Variants in FAM81B observed in about 807,000 individuals in gnomAD.
The protein encoded by FAM81B is protein FAM81B.
A neutral mutation model predicts 58.7 loss-of-function variants in FAM81B; 60 were observed. The observed-to-expected ratio is 1.02, with a 90% confidence interval of 0.83 to 1.27. FAM81B has a LOEUF of 1.27. Ranked by LOEUF, FAM81B falls within the 50% of genes most tolerant of loss-of-function variation. The pLI is 0.00. For missense variants in FAM81B, 491 were observed against 522.0 expected (o/e 0.94, Z 0.58); for synonymous variants, 189 against 179.6 (o/e 1.05, Z -0.42).
chr5:95,396,296 G>A (rs1761965476), intron 3 of FAM81B, 121 bp downstream of exon 3: 1 of 698,666 alleles, frequency 1.4e-6, no homozygotes, highest in African/African-American at 1.8e-5. Flanking sequence ...GTACCTGAAT[G>A]AAACCTTTAA....
Position 95,428,691 on chromosome 5 carries a change from G to A in FAM81B, c.745G>A (p.Val249Met), listed in dbSNP as rs150926447. 4.8e-5 allele frequency: 77 copies of A among 1,613,936 alleles called. 1 individual carries two copies. In the African/African-American group the frequency reaches 6.1e-4, roughly 13 times the overall value. ...AATTGAGAAAGCCATTCAAGAATTCGTGCCCGCCCTGGAAACTCTTTCCAA... is the reference window on the plus strand; with the variant it reads ...AATTGAGAAAGCCATTCAAGAATTCATGCCCGCCCTGGAAACTCTTTCCAA... ...RQIEKAIQEF[V>M]PALETLSKNL... Residue 249 changes from valine to methionine, a missense_variant, in exon 6 of 10, where the codon GTG (valine) becomes ATG (methionine). Physicochemically the swap from Val to Met is conservative, Grantham distance 21. Coordinates refer to ENST00000283357, the MANE Select transcript of FAM81B (RefSeq NM_152548.3).
intron 4 of FAM81B, among the ~76,000 whole-genome samples, chr5:95,418,551 A>C (rs1762596292): frequency 6.6e-6 from 1 of 152,226 alleles, no homozygotes; most frequent in Non-Finnish European, 1.5e-5. Flanking sequence ...ATATTATAGT[A>C]CATTGTTATA....
rs147292683 is a variant in FAM81B at position 95,432,276 on chromosome 5, G to C, written c.786+3544G>C. On this transcript the variant is annotated intron_variant, in intron 6 of 9. Coordinates refer to ENST00000283357, the MANE Select transcript of FAM81B (RefSeq NM_152548.3). ...TATGATGTATTTTGTTGTGGTGCAG[G>C]ATAATGTTTGCTGACATTTTACTTA... Among the ~76,000 whole-genome samples, 444 of 152,118 alleles carry C rather than the reference G, an allele frequency of 2.9e-3. 1 individual carries two copies. The highest frequency in any genetic ancestry group is 0.012 in the South Asian group (59 of 4,812).
intron 3 of FAM81B, among the ~76,000 whole-genome samples, chr5:95,408,110 G>GA (rs1762312590): frequency 6.9e-6 from 1 of 144,570 alleles, no homozygotes; most frequent in Non-Finnish European, 1.5e-5. Context: ...GAGAGAGAGA[G>GA]AGGAGGGAAG....
In FAM81B at chr5:95,431,641, G is replaced by A. The variant is rs185459222; in HGVS notation, c.786+2909G>A. ...CTGAGTTTGCTTTTAAGTTCTTGAG[G>A]AGTATTTTCAAATTTTTCTCATGTA... On this transcript the variant is annotated intron_variant, in intron 6 of 9. Transcript: ENST00000283357. Among the ~76,000 whole-genome samples, 450 of 151,978 alleles carry A rather than the reference G, an allele frequency of 3.0e-3. 5 individuals are homozygous for A. In the South Asian group the frequency reaches 0.03, roughly 10 times the overall value.
intron 6 of FAM81B, among the ~76,000 whole-genome samples, chr5:95,429,842 T>C (rs1308876051): frequency 2.0e-5 from 3 of 152,184 alleles, no homozygotes; most frequent in Admixed American, 2.0e-4. Flanking sequence ...TTAGAAATAT[T>C]TTTTAATCAT....
chr5:95,407,173 G>A (rs1006110976), intron 3 of FAM81B, among the ~76,000 whole-genome samples: 1 of 152,080 alleles, frequency 6.6e-6, no homozygotes, highest in African/African-American at 2.4e-5. Context: ...AAGTATGTGG[G>A]ATGGGGTAGG....
In FAM81B at chr5:95,420,339, C is replaced by T. The variant is rs1049623406; in HGVS notation, c.593C>T (p.Ala198Val). The change falls in exon 5 of 10, where the codon GCA becomes GTA. Residue 198 changes from alanine (A) to valine (V), a missense_variant. Transcript: ENST00000283357. ...RDQAATGTNF[A>V]VHEINIKHLQ... ...CAGGCGGCCACAGGAACTAACTTTGCAGTACACGAGATAAACATCAAACAC... is the reference window on the plus strand; with the variant it reads ...CAGGCGGCCACAGGAACTAACTTTGTAGTACACGAGATAAACATCAAACAC... 1.9e-6 allele frequency: 3 copies of T among 1,613,680 alleles called. No homozygotes were observed. Among genetic ancestry groups the T allele is most frequent in the Admixed American group, 1.7e-5 (1 of 59,998 alleles).
chr5:95,427,517 C>T (rs549170871), intron 5 of FAM81B, among the ~76,000 whole-genome samples: 1 of 152,176 alleles, frequency 6.6e-6, no homozygotes, highest in South Asian at 2.1e-4. Context: ...GCAAAATTGC[C>T]ATCTTAACTC....
chr5:95,428,863 C>A, intron 6 of FAM81B, 131 bp downstream of exon 6: 1 of 1,213,178 alleles, frequency 8.2e-7, no homozygotes, highest in Middle Eastern at 2.0e-4. Flanking sequence ...GTAATTCTGA[C>A]AGCTCACTCA....
At chr5:95,412,249 C>A (rs576685443) in intron 3 of FAM81B, among the ~76,000 whole-genome samples, 2 of 152,144 alleles carry the variant, frequency 1.3e-5, no homozygotes, top group East Asian at 3.9e-4. Flanking sequence ...CGACATACAC[C>A]AACATGAGCA....
chr5:95,450,383 A>G lies in FAM81B; in HGVS notation c.*101A>G. 6.4e-7 allele frequency: 1 copy of G among 1,553,594 alleles called. No homozygotes were observed. Among genetic ancestry groups the G allele is most frequent in the Non-Finnish European group, 8.6e-7 (1 of 1,156,446 alleles). On this transcript the variant is annotated 3_prime_UTR_variant, in exon 10 of 10. Transcript: ENST00000283357. The stretch of plus-strand genomic sequence containing the variant: ...ATCTCTGGGATGTTTACTGCTTCTA[A>G]TGTCTCCTTTTAAGGAGACGAATGT...
At chr5:95,408,037 A>AC (rs1762307020) in intron 3 of FAM81B, among the ~76,000 whole-genome samples, 1 of 151,126 alleles carries the variant, frequency 6.6e-6, no homozygotes, top group African/African-American at 2.4e-5. Context: ...GGACCTCTCC[A>AC]CAGGGCTATT....
intron 3 of FAM81B, among the ~76,000 whole-genome samples, chr5:95,398,133 C>T (rs1762009530): frequency 6.6e-6 from 1 of 152,148 alleles, no homozygotes; most frequent in South Asian, 2.1e-4. Context: ...AAAATAACTT[C>T]ACTGGCCAGG....
chr5:95,442,487 A>T (rs1745400774), intron 7 of FAM81B, among the ~76,000 whole-genome samples: 1 of 152,244 alleles, frequency 6.6e-6, no homozygotes. Flanking sequence ...GCCCAAAATC[A>T]CACAGCTAGA....
intron 3 of FAM81B, among the ~76,000 whole-genome samples, chr5:95,397,829 T>C (rs887232361): frequency 6.6e-6 from 1 of 152,226 alleles, no homozygotes; most frequent in Non-Finnish European, 1.5e-5. Flanking sequence ...TTGGTCTCTC[T>C]CTTCGCATCT....
chr5:95,407,230 CTGAG>C (rs1259997570), intron 3 of FAM81B, among the ~76,000 whole-genome samples: 1 of 151,476 alleles, frequency 6.6e-6, no homozygotes, highest in African/African-American at 2.4e-5. Context: ...TGAAAGCTAC[CTGAG>C]TGATTCCAAA....
chr5:95,436,825 A>C lies in FAM81B; in HGVS notation c.812A>C (p.Glu271Ala), dbSNP rs2152768777. The change falls in exon 7 of 10, where the codon GAA becomes GCA. Residue 271 changes from glutamate (E) to alanine (A), a missense_variant. By Grantham distance (107) the Glu-to-Ala change is moderately radical (BLOSUM62 -1). Transcript: ENST00000283357. ...GTGATGCAGCTCTTAGGAAAGATAG[A>C]AACTGCCAGTTCTGAGCAAACCTCG... ...MKVMQLLGKIETASSEQTSNL... is the reference protein window; with the variant it reads ...MKVMQLLGKIATASSEQTSNL... 1 of 1,613,908 alleles carries C rather than the reference A, an allele frequency of 6.2e-7. No individual in the cohort carries two copies. Among genetic ancestry groups the C allele is most frequent in the East Asian group, 2.2e-5 (1 of 44,870 alleles).
chr5:95,426,094 G>GTA (rs57076025), intron 5 of FAM81B, among the ~76,000 whole-genome samples: 5,303 of 119,948 alleles, frequency 0.044, 245 homozygotes, highest in East Asian at 0.24. Flanking sequence ...ATCTCTGTGT[G>GTA]TATATATATA....
Sources: allele counts gnomAD v4.1 joint callset (sites outside exome capture counted in the v4.1 genomes callset), GRCh38; gene constraint gnomAD v4.1.1; transcripts MANE v1.5; gene names NCBI Gene and HGNC (gene_info 2026-07-23, HGNC 2026-07-21).